Variants in EZH2 observed in about 807,000 individuals in gnomAD.
EZH2 encodes the protein enhancer of zeste 2 polycomb repressive complex 2 subunit, also known as histone-lysine N-methyltransferase EZH2.
Under a neutral mutation model 98.4 loss-of-function variants are expected in EZH2, and 18 were observed. The ratio of observed to expected loss-of-function variants is 0.18; its 90% confidence interval spans 0.13 to 0.27. The LOEUF (loss-of-function observed/expected upper bound fraction) is 0.27, where lower values mean the gene tolerates loss of function less well. Ranked by LOEUF, EZH2 falls within the 10% of genes least tolerant of loss-of-function variation. EZH2 has a pLI of 1.00. For synonymous variants in EZH2, 338 were observed against 312.3 expected, an observed-to-expected ratio of 1.08 and a Z score of -0.87; for missense variants, 470 against 935.1, an observed-to-expected ratio of 0.50 and a Z score of 6.49.
chr7:148,841,123 T>A (rs1263572169), intron 3 of EZH2, among the ~76,000 whole-genome samples: 1 of 152,032 alleles, frequency 6.6e-6, no homozygotes, highest in African/African-American at 2.4e-5. Flanking sequence ...AATATAAACA[T>A]AATAAATGAC....
At chr7:148,814,259 C>G (rs781776583) in intron 14 of EZH2, 122 bp from the exon 15 acceptor site, 1 of 809,444 alleles carries the variant, frequency 1.2e-6, no homozygotes, top group South Asian at 1.7e-5. Flanking sequence ...CACCTTATTA[C>G]CCTACTATAT....
intron 9 of EZH2, among the ~76,000 whole-genome samples, chr7:148,818,411 A>C (rs1240781530): frequency 6.6e-6 from 1 of 152,222 alleles, no homozygotes; most frequent in South Asian, 2.1e-4. Context: ...TTAAGTTAAA[A>C]TATAAGAAGA....
chr7:148,882,536 CAAATA>C lies in EZH2; in HGVS notation c.-8+1623_-8+1627del, dbSNP rs1319981327. Among the ~76,000 whole-genome samples the C allele has an allele frequency of 2.6e-5, 4 of 152,212 alleles. No individual in the cohort carries two copies. In the East Asian group the frequency reaches 7.7e-4, roughly 29 times the overall value. ...TATATCTTAAATACTTGTTTTCCTG[CAAATA>C]AAATTACAAATAAACAAGTTAGGAT... On this transcript the variant is annotated intron_variant, in intron 1 of 19. Coordinates refer to ENST00000320356, the MANE Select transcript of EZH2 (RefSeq NM_004456.5).
rs760824107 is a variant in EZH2 at position 148,814,063 on chromosome 7, G to A, written c.1747C>T (p.Arg583Ter). Residue 583 changes from arginine (R) to a stop codon, truncating the protein, a stop_gained, in exon 15 of 20, where the codon CGA (arginine) becomes TGA (stop). Coordinates refer to ENST00000320356, the MANE Select transcript of EZH2 (RefSeq NM_004456.5). LOFTEE classifies it high-confidence loss of function. ...TKQCPCYLAVRECDPDLCLTC... is the reference protein window; with the variant it reads ...TKQCPCYLAV ...AGACAGAGGTCAGGGTCACACTCTC[G>A]GACAGCCAGGTAGCACGGGCACTGC... 1 of 1,614,130 alleles carries A rather than the reference G, an allele frequency of 6.2e-7. No individual in the cohort carries two copies. Among genetic ancestry groups the A allele is most frequent in the Non-Finnish European group, 8.5e-7 (1 of 1,180,012 alleles).
At chr7:148,841,996 T>G (rs1263280935) in intron 3 of EZH2, among the ~76,000 whole-genome samples, 1 of 152,164 alleles carries the variant, frequency 6.6e-6, no homozygotes, top group African/African-American at 2.4e-5. Flanking sequence ...AGTCCAAAAG[T>G]TTTTAAATTC....
At chr7:148,848,922 A>C (rs1368071088) in intron 1 of EZH2, among the ~76,000 whole-genome samples, 3 of 151,930 alleles carry the variant, frequency 2.0e-5, no homozygotes, top group Non-Finnish European at 4.4e-5. Flanking sequence ...AGCCTCCCAT[A>C]TACTTTTTTT....
rs1475881563 is a variant in EZH2, at chr7:148,884,172, C to T, written c.-16G>A. The stretch of plus-strand genomic sequence containing the variant: ...CCGCAGCGGCGCGTTACCTTCGTCC[C>T]GCGCGCCGACTCGCGTTGTTCCCGC... On this transcript the variant is annotated 5_prime_UTR_variant, in exon 1 of 20. Coordinates refer to ENST00000320356, the MANE Select transcript of EZH2 (RefSeq NM_004456.5). The T allele has an allele frequency of 1.2e-5, 2 of 160,682 alleles. No homozygotes were observed. Among genetic ancestry groups the T allele is most frequent in the South Asian group, 3.5e-4 (2 of 5,720 alleles). The allele number at this position is 160,682 out of a possible 1,614,324, so 10.0% of individuals were successfully genotyped here.
At chr7:148,873,008 C>G (rs1819638768) in intron 1 of EZH2, among the ~76,000 whole-genome samples, 1 of 151,958 alleles carries the variant, frequency 6.6e-6, no homozygotes, top group Non-Finnish European at 1.5e-5. Context: ...GACCCCAACT[C>G]TACAAAAAAT....
chr7:148,825,546 G>T (rs73471819), intron 8 of EZH2, among the ~76,000 whole-genome samples: 3,347 of 152,276 alleles, frequency 0.022, 109 homozygotes, highest in African/African-American at 0.077. Context: ...CACTTAGGAG[G>T]AGGTGAGGTA....
chr7:148,809,272 G>A (rs750504493), intron 18 of EZH2, 38 bp downstream of exon 18: 56 of 1,588,110 alleles, frequency 3.5e-5, no homozygotes, highest in African/African-American at 1.3e-5. Flanking sequence ...TCACAGGACT[G>A]AAAAGGGAGT....
rs374655036 is a variant in EZH2 at position 148,870,559 on chromosome 7, TA to T, written c.-8+13604del. On this transcript the variant is annotated intron_variant, in intron 1 of 19. Transcript: ENST00000320356. ...TCTACAAAAAAATACAAAAATTAGC[TA>T]GGGGTGGTGGTGCATACCTGTAATC... Among the ~76,000 whole-genome samples, 61 of 151,668 alleles carry T rather than the reference TA, an allele frequency of 4.0e-4. 1 individual carries two copies. In the East Asian group the frequency reaches 0.011, roughly 28 times the overall value.
At chr7:148,839,535 G>A (rs981549471) in intron 3 of EZH2, among the ~76,000 whole-genome samples, 2 of 149,128 alleles carry the variant, frequency 1.3e-5, no homozygotes, top group Admixed American at 6.6e-5. Context: ...AATGGGGGGG[G>A]GGCAATCTGC....
chr7:148,859,853 A>T (rs1255733060), intron 1 of EZH2, among the ~76,000 whole-genome samples: 2 of 152,336 alleles, frequency 1.3e-5, no homozygotes, highest in African/African-American at 4.8e-5. Flanking sequence ...CAGAATTTTG[A>T]TCAGGCATTA....
chr7:148,809,241 CAGA>C (rs1802385984), intron 18 of EZH2, 66 bp downstream of exon 18: 18 of 1,585,262 alleles, frequency 1.1e-5, no homozygotes, highest in Non-Finnish European at 1.5e-5. Context: ...ACAACTATCC[CAGA>C]AGTATTCAAG....
rs10609835 is a variant in EZH2 at position 148,875,421 on chromosome 7, CCAGA to C, written c.-8+8739_-8+8742del. Among the ~76,000 whole-genome samples, 1,414 of 152,230 alleles carry C rather than the reference CCAGA, an allele frequency of 9.3e-3. 16 individuals carry two copies. The highest frequency in any genetic ancestry group is 0.032 in the African/African-American group (1,341 of 41,512). ...CATATAAAGACCTCTTGCCACTCAA[CCAGA>C]CAAACAATCCAATTTTTTAAAGGGA... is the stretch of plus-strand genomic sequence containing the variant. On this transcript the variant is annotated intron_variant, in intron 1 of 19. Transcript: ENST00000320356.
At chr7:148,828,612 T>C in intron 6 of EZH2, 128 bp downstream of exon 6, 1 of 1,201,002 alleles carries the variant, frequency 8.3e-7, no homozygotes, top group Middle Eastern at 2.0e-4. Flanking sequence ...TTGATTATAC[T>C]GCTATCAATG....
intron 15 of EZH2, among the ~76,000 whole-genome samples, chr7:148,812,009 T>C (rs1479762479): frequency 6.6e-6 from 1 of 152,242 alleles, no homozygotes; most frequent in African/African-American, 2.4e-5. Flanking sequence ...CTAGGCCTGC[T>C]GCACTTTTGG....
chr7:148,859,594 G>C (rs1038123224), intron 1 of EZH2, among the ~76,000 whole-genome samples: 2 of 152,090 alleles, frequency 1.3e-5, no homozygotes, highest in Non-Finnish European at 2.9e-5. Context: ...AAACAATACA[G>C]GTAAGTGAGT....
intron 1 of EZH2, among the ~76,000 whole-genome samples, chr7:148,877,973 C>T (rs961293286): frequency 1.3e-5 from 2 of 152,090 alleles, no homozygotes; most frequent in Admixed American, 6.6e-5. Context: ...GCTGAATAAT[C>T]CTGGGCAAAT....
Sources: allele counts gnomAD v4.1 joint callset (sites outside exome capture counted in the v4.1 genomes callset), GRCh38; gene constraint gnomAD v4.1.1; transcripts MANE v1.5; gene names NCBI Gene and HGNC (gene_info 2026-07-23, HGNC 2026-07-21).